CCDC30: variants seen among roughly 807,000 people sequenced by gnomAD.
The protein encoded by CCDC30 is coiled-coil domain-containing protein 30.
In CCDC30, 70 loss-of-function variants were observed where a neutral mutation model predicts 100.2. The observed-to-expected ratio is 0.70, with a 90% CI of 0.58 to 0.85. CCDC30 has a LOEUF of 0.85. Among genes scored for constraint, CCDC30 ranks in the 40% least tolerant of loss-of-function variants. The probability of loss-of-function intolerance (pLI) is 0.00; values close to 1 mark genes in which losing one functional copy is unlikely to be tolerated. For synonymous variants in CCDC30, 233 were observed against 269.5 expected, an observed-to-expected ratio of 0.86 and a Z score of 1.33; for missense variants, 652 against 771.2, an observed-to-expected ratio of 0.85 and a Z score of 1.83.
At chr1:42,652,607 T>C (rs1364580021) in intron 15 of CCDC30, among the ~76,000 whole-genome samples, 1 of 152,190 alleles carries the variant, frequency 6.6e-6, no homozygotes, top group African/African-American at 2.4e-5. Context: ...TTATTCATAA[T>C]AACTAAAAAG....
At chr1:42,503,434 G>T (rs112492088) in intron 6 of CCDC30, among the ~76,000 whole-genome samples, 2,956 of 152,258 alleles carry the variant, frequency 0.019, 110 homozygotes, top group African/African-American at 0.067. Context: ...TTTATGTAGG[G>T]CCTACAGATT....
At chr1:42,628,928 C>A (rs1187294026) in intron 11 of CCDC30, among the ~76,000 whole-genome samples, 2 of 152,124 alleles carry the variant, frequency 1.3e-5, no homozygotes, top group African/African-American at 2.4e-5. Flanking sequence ...ATACTCTATA[C>A]CCTAACTTCA....
rs532132354 is a variant in CCDC30, at chr1:42,646,401, T to C, written c.1854+84T>C. ...ACTGTTTGGAAAATCTCTCAACTTA[T>C]GGTTTCTACACTGGAAAAAGTAAAA... On this transcript the variant is annotated intron_variant, in intron 15 of 16. Coordinates refer to ENST00000668663, the Ensembl canonical transcript of CCDC30. 6.9e-6 allele frequency: 9 copies of C among 1,313,612 alleles called. 1 individual carries two copies. In the South Asian group the frequency reaches 1.0e-4, roughly 15 times the overall value. The allele number at this position is 1,313,612 out of a possible 1,614,324, so 81.4% of individuals were successfully genotyped here.
intron 1 of CCDC30, among the ~76,000 whole-genome samples, chr1:42,475,629 A>C (rs1273321488): frequency 6.6e-6 from 1 of 152,228 alleles, no homozygotes; most frequent in Non-Finnish European, 1.5e-5. Context: ...GAAAAGTATA[A>C]TACTTCTAAT....
chr1:42,642,037 A>G (rs1017373631), intron 12 of CCDC30, among the ~76,000 whole-genome samples: 8 of 152,234 alleles, frequency 5.3e-5, no homozygotes, highest in South Asian at 4.2e-4. Flanking sequence ...CATCCTGGCT[A>G]ACACGGTGAA....
intron 8 of CCDC30, chr1:42,580,774 G>A: frequency 2.2e-6 from 1 of 451,504 alleles, no homozygotes; most frequent in South Asian, 1.6e-5. Flanking sequence ...TATTATTGAT[G>A]CTAAGCAATA....
At chr1:42,597,249 G>T (rs182203694) in intron 10 of CCDC30, among the ~76,000 whole-genome samples, 31 of 152,256 alleles carry the variant, frequency 2.0e-4, no homozygotes, top group African/African-American at 6.7e-4. Flanking sequence ...AGACATATTT[G>T]AAATAATAAT....
upstream of CCDC30, chr1:42,460,206 G>C (rs1412598866): frequency 8.9e-7 from 1 of 1,122,580 alleles, no homozygotes; most frequent in South Asian, 3.2e-5. Context: ...CTGAATGTCA[G>C]CCATCTTTAT....
intron 1 of CCDC30, among the ~76,000 whole-genome samples, chr1:42,471,640 T>G (rs1056157354): frequency 3.3e-5 from 5 of 152,010 alleles, no homozygotes; most frequent in African/African-American, 1.2e-4. Flanking sequence ...AAAGACCTTG[T>G]AGGGAGAAGG....
the CCDC30 span, chr1:42,457,586 C>T: frequency 1.3e-5 from 7 of 546,498 alleles, no homozygotes; most frequent in Non-Finnish European, 3.3e-6. Context: ...AAAGTGCAGT[C>T]AGATCATGGG....
chr1:42,630,659 G>A (rs1647021292), intron 11 of CCDC30, among the ~76,000 whole-genome samples: 1 of 152,148 alleles, frequency 6.6e-6, no homozygotes, highest in African/African-American at 2.4e-5. Context: ...TGGGATTACA[G>A]GCGTGAGCCA....
intron 7 of CCDC30, among the ~76,000 whole-genome samples, chr1:42,576,322 A>G (rs1645836637): frequency 6.6e-6 from 1 of 152,214 alleles, no homozygotes; most frequent in Non-Finnish European, 1.5e-5. Context: ...GAATGACAGC[A>G]TGTGCTAAAT....
At chr1:42,551,566 GCTGA>G (rs1272983023) in intron 6 of CCDC30, among the ~76,000 whole-genome samples, 2 of 151,986 alleles carry the variant, frequency 1.3e-5, no homozygotes, top group Non-Finnish European at 2.9e-5. Flanking sequence ...ATAATTTTTG[GCTGA>G]TAGTCTGCTT....
chr1:42,585,720 G>A (rs1646054308), intron 9 of CCDC30, among the ~76,000 whole-genome samples: 1 of 151,874 alleles, frequency 6.6e-6, no homozygotes, highest in Non-Finnish European at 1.5e-5. Context: ...TATAAATTTT[G>A]TAAGTTGTAT....
chr1:42,550,785 G>T (rs1319099593), intron 6 of CCDC30, among the ~76,000 whole-genome samples: 1 of 152,192 alleles, frequency 6.6e-6, no homozygotes, highest in Non-Finnish European at 1.5e-5. Flanking sequence ...AGACCTGGCT[G>T]TGTTGATCAC....
chr1:42,559,167 C>T (rs1264748800), intron 6 of CCDC30, among the ~76,000 whole-genome samples: 3 of 152,114 alleles, frequency 2.0e-5, no homozygotes, highest in South Asian at 2.1e-4. Context: ...AAGGAAAAAC[C>T]GGTACCAGCC....
chr1:42,606,879 G>A (rs184799578), intron 10 of CCDC30, among the ~76,000 whole-genome samples: 25 of 152,274 alleles, frequency 1.6e-4, no homozygotes, highest in African/African-American at 5.1e-4. Flanking sequence ...CATGAGGACC[G>A]TTATAAAAAA....
At chr1:42,655,042 G>T (rs1648615276), downstream of CCDC30, among the ~76,000 whole-genome samples, 1 of 151,564 alleles carries the variant, frequency 6.6e-6, no homozygotes, top group African/African-American at 2.4e-5. Flanking sequence ...ATTCCCTTTT[G>T]GTCCTAATTC....
At chr1:42,516,996 A>T (rs1298124327) in intron 6 of CCDC30, among the ~76,000 whole-genome samples, 1 of 152,172 alleles carries the variant, frequency 6.6e-6, no homozygotes, top group Non-Finnish European at 1.5e-5. Flanking sequence ...TTCTCTGTAT[A>T]TTCTAGATGT....
Sources: allele counts gnomAD v4.1 joint callset (sites outside exome capture counted in the v4.1 genomes callset), GRCh38; gene constraint gnomAD v4.1.1; transcripts MANE v1.5; gene names NCBI Gene and HGNC (gene_info 2026-07-23, HGNC 2026-07-21).